MARCO: variants seen among roughly 807,000 people sequenced by gnomAD.
MARCO encodes macrophage receptor MARCO.
A neutral mutation model predicts 70.0 loss-of-function variants in MARCO; 72 were observed. The observed-to-expected ratio is 1.03, with a 90% CI of 0.85 to 1.25. The LOEUF is 1.25. Ranked by LOEUF, MARCO falls within the 50% of genes most tolerant of loss-of-function variation. The pLI, the probability that MARCO is intolerant of heterozygous loss-of-function variation, is 0.00. For missense variants in MARCO, 696 were observed against 659.3 expected, an observed-to-expected ratio of 1.06 and a Z score of -0.61; for synonymous variants, 273 against 243.1, an observed-to-expected ratio of 1.12 and a Z score of -1.14.
chr2:118,986,778 GA>G (rs1680526450), intron 12 of MARCO, among the ~76,000 whole-genome samples: 1 of 151,860 alleles, frequency 6.6e-6, no homozygotes, highest in Admixed American at 6.6e-5. Context: ...AGAAAAGAAA[GA>G]GTGTGAGAGA....
chr2:118,989,737 A>G (rs1253772733), intron 12 of MARCO, among the ~76,000 whole-genome samples: 1 of 152,218 alleles, frequency 6.6e-6, no homozygotes, highest in Non-Finnish European at 1.5e-5. Context: ...CTTATGACTC[A>G]CTGTTGGTGT....
chr2:118,957,478 G>A (rs1235734400), intron 1 of MARCO, among the ~76,000 whole-genome samples: 1 of 151,964 alleles, frequency 6.6e-6, no homozygotes, highest in Non-Finnish European at 1.5e-5. Flanking sequence ...AGCAAGCAGC[G>A]AGATTGTTTG....
At chr2:118,970,563 C>T (rs949452642) in intron 3 of MARCO, among the ~76,000 whole-genome samples, 1 of 152,128 alleles carries the variant, frequency 6.6e-6, no homozygotes, top group African/African-American at 2.4e-5. Flanking sequence ...GTTCCCTGGA[C>T]CACTCCCCCA....
intron 8 of MARCO, among the ~76,000 whole-genome samples, 186 bp from the exon 9 acceptor site, chr2:118,981,223 C>T (rs1680381706): frequency 6.6e-6 from 1 of 152,058 alleles, no homozygotes; most frequent in Non-Finnish European, 1.5e-5. Context: ...GAGTTTCTTT[C>T]TTGTCTCTGG....
intron 1 of MARCO, among the ~76,000 whole-genome samples, chr2:118,958,212 C>T (rs1458878142): frequency 6.6e-6 from 1 of 151,908 alleles, no homozygotes; most frequent in African/African-American, 2.4e-5. Flanking sequence ...ATCAAACTGT[C>T]CCTTTTTGCT....
At chr2:118,985,828 G>A (rs1558671071) in intron 12 of MARCO, among the ~76,000 whole-genome samples, 2 of 152,134 alleles carry the variant, frequency 1.3e-5, no homozygotes, top group East Asian at 1.9e-4. Context: ...CAATCTGATT[G>A]GAAATTCTTT....
At position 118,942,230 on chromosome 2, in the gene MARCO, C is replaced by A; in HGVS notation, c.-71C>A. 2 of 964,642 alleles carry A rather than the reference C, an allele frequency of 2.1e-6. No homozygotes were observed. The highest frequency in any genetic ancestry group is 1.4e-5 in the South Asian group (1 of 73,648). The allele number at this position is 964,642 out of a possible 1,614,324, so 59.8% of individuals were successfully genotyped here. ...CAGTGGTTCGATGGGAAGGATCTTT[C>A]TCCAAGTGGTTCCTCTTGAGGGGAG... On this transcript the variant is annotated 5_prime_UTR_variant, in exon 1 of 17. Coordinates refer to ENST00000327097, the MANE Select transcript of MARCO (RefSeq NM_006770.4).
intron 12 of MARCO, among the ~76,000 whole-genome samples, chr2:118,990,089 C>T (rs1680592314): frequency 1.3e-5 from 2 of 152,128 alleles, no homozygotes; most frequent in Admixed American, 1.3e-4. Flanking sequence ...ACCCTTTAGC[C>T]ACATGAATCT....
chr2:118,963,628 GTTC>G (rs1411796893), intron 1 of MARCO, among the ~76,000 whole-genome samples: 5 of 152,060 alleles, frequency 3.3e-5, no homozygotes, highest in Non-Finnish European at 5.9e-5. Flanking sequence ...CTAGTGTTTA[GTTC>G]TTCTGTAACT....
intron 1 of MARCO, among the ~76,000 whole-genome samples, chr2:118,943,207 C>T (rs1679537025): frequency 6.6e-6 from 1 of 152,328 alleles, no homozygotes; most frequent in Non-Finnish European, 1.5e-5. Context: ...CATCCCACAC[C>T]TGTCTGCCCA....
At chr2:118,970,423 T>C in intron 3 of MARCO, 85 bp downstream of exon 3, 1 of 1,079,946 alleles carries the variant, frequency 9.3e-7, no homozygotes, top group Non-Finnish European at 1.4e-6. Context: ...TTAAGGACCC[T>C]GTCCAAGCAA....
chr2:118,988,458 G>A (rs1194332699), intron 12 of MARCO, among the ~76,000 whole-genome samples: 1 of 151,978 alleles, frequency 6.6e-6, no homozygotes, highest in Non-Finnish European at 1.5e-5. Flanking sequence ...CAATCTATAT[G>A]TCTATGATGG....
chr2:118,975,048 G>A (rs1404005121), intron 6 of MARCO, among the ~76,000 whole-genome samples: 1 of 152,204 alleles, frequency 6.6e-6, no homozygotes, highest in Non-Finnish European at 1.5e-5. Context: ...AGGGGGATTA[G>A]AGACAATGAC....
At chr2:118,973,681 A>G (rs571009956) in intron 4 of MARCO, among the ~76,000 whole-genome samples, 10 of 152,240 alleles carry the variant, frequency 6.6e-5, no homozygotes, top group Non-Finnish European at 1.0e-4. Context: ...CCCAGAAGTC[A>G]TGGTCTCACT....
intron 1 of MARCO, among the ~76,000 whole-genome samples, chr2:118,944,159 A>C (rs1679553498): frequency 6.6e-6 from 1 of 152,126 alleles, no homozygotes; most frequent in South Asian, 2.1e-4. Flanking sequence ...AAGCCAGTGC[A>C]GGAGGATTCC....
intron 6 of MARCO, among the ~76,000 whole-genome samples, chr2:118,974,809 G>C (rs1162638352): frequency 6.6e-6 from 1 of 152,138 alleles, no homozygotes; most frequent in Non-Finnish European, 1.5e-5. Flanking sequence ...TCCTAGATGG[G>C]GCTGGGGGGT....
At chr2:118,958,534 A>T (rs1414177818) in intron 1 of MARCO, among the ~76,000 whole-genome samples, 1 of 152,208 alleles carries the variant, frequency 6.6e-6, no homozygotes, top group African/African-American at 2.4e-5. Context: ...AACACATCCC[A>T]TGCTCATGGA....
intron 1 of MARCO, among the ~76,000 whole-genome samples, chr2:118,948,695 T>C (rs1423518759): frequency 6.6e-6 from 1 of 152,226 alleles, no homozygotes; most frequent in African/African-American, 2.4e-5. Flanking sequence ...GCTTAACATG[T>C]CTTGGCTTAG....
intron 1 of MARCO, among the ~76,000 whole-genome samples, chr2:118,965,204 C>A (rs1401766920): frequency 6.6e-6 from 1 of 152,052 alleles, no homozygotes; most frequent in Non-Finnish European, 1.5e-5. Flanking sequence ...GTTACTGGCC[C>A]ACAGGTCTCT....
Sources: gnomAD v4.1 joint callset for allele counts (sites outside exome capture counted in the v4.1 genomes callset) on GRCh38, gnomAD v4.1.1 for gene constraint, MANE v1.5 for transcripts, NCBI Gene and HGNC (gene_info 2026-07-23, HGNC 2026-07-21) for gene names.